The following RP1 variants were observed in gnomAD, a reference collection of about 807,000 sequenced individuals.
RP1 encodes the protein RP1 axonemal microtubule associated.
In RP1, 16 loss-of-function variants were observed where a neutral mutation model predicts 14.8. The observed-to-expected ratio is 1.08, with a 90% CI of 0.73 to 1.65. The LOEUF (loss-of-function observed/expected upper bound fraction) is 1.65. RP1 is among the 40% of genes most tolerant of loss of function. The pLI is 0.00. For synonymous variants in RP1, 876 were observed against 883.6 expected (o/e 0.99, Z 0.15); for missense variants, 2,631 against 2,535.0 (o/e 1.04, Z -0.81).
At chr8:54,603,380 C>G (rs1210026319) in intron 1 of RP1, among the ~76,000 whole-genome samples, 2 of 152,160 alleles carry the variant, frequency 1.3e-5, no homozygotes, top group African/African-American at 4.8e-5. Context: ...GGGCTCTGTT[C>G]TGTTCCGTTG....
rs151265177 is a variant in RP1, at chr8:54,649,929, C to A, written c.951+781C>A. On this transcript the variant is annotated intron_variant, in intron 4 of 22. Transcript: ENST00000636932. ...GATTAGTTTGATCTAACTTTTCCAT[C>A]CTATATGAGTCAATATTTAAAGACA... is the stretch of plus-strand genomic sequence containing the variant. 5.5e-3 allele frequency among the ~76,000 whole-genome samples: 842 copies of A among 152,250 alleles called. 9 individuals carry two copies. The highest frequency in any genetic ancestry group is 0.018 in the African/African-American group (759 of 41,536).
intron 1 of RP1, among the ~76,000 whole-genome samples, chr8:54,570,143 G>A (rs532957966): frequency 2.0e-5 from 3 of 152,162 alleles, no homozygotes; most frequent in South Asian, 2.1e-4. Flanking sequence ...GCTGCAGCCC[G>A]ATGTTGCAGC....
At chr8:54,827,803 C>A (rs138240574) in intron 24 of RP1, among the ~76,000 whole-genome samples, 1 of 151,820 alleles carries the variant, frequency 6.6e-6, no homozygotes, top group Non-Finnish European at 1.5e-5. Flanking sequence ...GAGGCTGAGG[C>A]GGAAGAAGTG....
At chr8:54,730,202 A>T (rs1343299606) in intron 17 of RP1, among the ~76,000 whole-genome samples, 1 of 152,078 alleles carries the variant, frequency 6.6e-6, no homozygotes, top group Non-Finnish European at 1.5e-5. Flanking sequence ...CTTTTGGCCT[A>T]TAAAAAAGTC....
chr8:54,809,307 T>C lies in RP1; in HGVS notation c.3615+25597T>C, dbSNP rs577583894. ...CTTACTCATACATTCTCTTTCTTCA[T>C]TCTGTGATGCAAAACTTGGGTTGGT... On this transcript the variant is annotated intron_variant, in intron 24 of 28. Coordinates refer to the RP1 transcript ENST00000637698. Among the ~76,000 whole-genome samples the C allele has an allele frequency of 1.5e-3, 221 of 152,338 alleles. 1 individual carries two copies. The highest frequency in any genetic ancestry group is 5.1e-3 in the African/African-American group (212 of 41,594).
chr8:54,609,142 G>T (rs770367374), intron 1 of RP1, among the ~76,000 whole-genome samples: 24 of 152,144 alleles, frequency 1.6e-4, no homozygotes, highest in Non-Finnish European at 2.5e-4. Context: ...ATCAATGCTG[G>T]GTAGCAAGAG....
chr8:54,829,943 C>T (rs1811479398), intron 24 of RP1, among the ~76,000 whole-genome samples: 1 of 151,894 alleles, frequency 6.6e-6, no homozygotes, highest in African/African-American at 2.4e-5. Flanking sequence ...AATTTTATAT[C>T]CATTTAATTT....
At chr8:54,771,809 G>GAA (rs971635175), downstream of RP1, among the ~76,000 whole-genome samples, 1 of 152,202 alleles carries the variant, frequency 6.6e-6, no homozygotes, top group African/African-American at 2.4e-5. Flanking sequence ...GGTGTGGAAA[G>GAA]AACCTTGAAA....
chr8:54,867,683 C>A (rs971768765), intron 28 of RP1, among the ~76,000 whole-genome samples: 3 of 152,174 alleles, frequency 2.0e-5, no homozygotes, highest in Non-Finnish European at 4.4e-5. Flanking sequence ...CATGATACTA[C>A]ACATGCAAAT....
chr8:54,623,683 T>G (rs1805944448), intron 3 of RP1, among the ~76,000 whole-genome samples: 1 of 152,214 alleles, frequency 6.6e-6, no homozygotes, highest in African/African-American at 2.4e-5. Context: ...TATCTGGACT[T>G]ATGTCTAGCT....
At chr8:54,689,222 T>C (rs1378090536) in intron 12 of RP1, among the ~76,000 whole-genome samples, 1 of 152,142 alleles carries the variant, frequency 6.6e-6, no homozygotes, top group Non-Finnish European at 1.5e-5. Context: ...GCTGAGATGA[T>C]GGGGTTTTCT....
intron 17 of RP1, among the ~76,000 whole-genome samples, chr8:54,731,484 T>A (rs1454705460): frequency 6.6e-6 from 1 of 152,162 alleles, no homozygotes; most frequent in Non-Finnish European, 1.5e-5. Context: ...AAATTTATAG[T>A]CTGAGACTAA....
chr8:54,855,874 G>C (rs75361122), intron 26 of RP1, among the ~76,000 whole-genome samples: 1 of 151,166 alleles, frequency 6.6e-6, no homozygotes, highest in Non-Finnish European at 1.5e-5. Flanking sequence ...TTGAACTCTC[G>C]TATGCTTCGC....
rs1806181163 is a variant in RP1, at chr8:54,629,303, A to C, written c.5421A>C (p.Glu1807Asp). 6.2e-7 allele frequency: 1 copy of C among 1,613,848 alleles called. No homozygotes were observed. The highest frequency in any genetic ancestry group is 2.2e-5 in the East Asian group (1 of 44,862). ...MDELSSSELE[E>D]LTQPLELKCN... ...AACTCTCCTCTTCAGAACTCGAGGA[A>C]CTGACTCAACCCCTTGAACTAAAAT... Residue 1807 changes from glutamate (E) to aspartate (D), a missense_variant, in exon 4 of 4, where the codon GAA (glutamate) becomes GAC (aspartate). By Grantham distance (45) the Glu-to-Asp change is conservative (BLOSUM62 2). Transcript: ENST00000220676.
Position 54,625,421 on chromosome 8 carries a change from C to T in RP1, c.1539C>T (p.Asn513=), listed in dbSNP as rs764801304. 1 of 1,613,848 alleles carries T rather than the reference C, an allele frequency of 6.2e-7. No homozygotes were observed. The highest frequency in any genetic ancestry group is 1.7e-5 in the Admixed American group (1 of 60,000). ...GCAGTAAAATGTCATCAGTATCTAA[C>T]AAACCAGTACTTGTTCAGATCAATA... ...HSCSKMSSVS[N]KPVLVQINNN... is the part of the protein sequence containing the mutation. Residue 513 remains asparagine, a synonymous_variant, in exon 4 of 4, where the codon AAC becomes AAT. Coordinates refer to ENST00000220676, the MANE Select transcript of RP1 (RefSeq NM_006269.2).
At chr8:54,830,177 CAA>C (rs957906324) in intron 24 of RP1, among the ~76,000 whole-genome samples, 49 of 152,038 alleles carry the variant, frequency 3.2e-4, no homozygotes, top group African/African-American at 1.2e-3. Flanking sequence ...TTATTTCTAT[CAA>C]GTTTTTTCTT....
intron 3 of RP1, among the ~76,000 whole-genome samples, chr8:54,641,662 A>G (rs540499793): frequency 2.0e-5 from 3 of 152,292 alleles, no homozygotes; most frequent in African/African-American, 7.2e-5. Flanking sequence ...TGGGATTAAT[A>G]TTGCTCTCAT....
chr8:54,715,791 C>G (rs1215105805), intron 15 of RP1, among the ~76,000 whole-genome samples: 2 of 152,166 alleles, frequency 1.3e-5, no homozygotes, highest in African/African-American at 2.4e-5. Context: ...TGAGTTTCTA[C>G]TGAAATGCAG....
chr8:54,836,467 C>A (rs990764026), intron 24 of RP1, among the ~76,000 whole-genome samples: 7 of 152,142 alleles, frequency 4.6e-5, no homozygotes, highest in Admixed American at 4.6e-4. Context: ...GTTATACATG[C>A]CTCTAAAAGC....
Sources: gnomAD v4.1 joint callset for allele counts (sites outside exome capture counted in the v4.1 genomes callset) on GRCh38, gnomAD v4.1.1 for gene constraint, MANE v1.5 for transcripts, NCBI Gene and HGNC (gene_info 2026-07-23, HGNC 2026-07-21) for gene names.